The following MYO19 variants were observed in gnomAD, a reference collection of about 807,000 sequenced individuals.
MYO19 encodes the protein myosin XIX, also known as unconventional myosin-XIX.
Under a neutral mutation model 129.2 loss-of-function variants are expected in MYO19, and 132 were observed. That is an observed-to-expected ratio of 1.02 (90% CI 0.89 to 1.18). The LOEUF (loss-of-function observed/expected upper bound fraction) is 1.18, where lower values mean the gene tolerates loss of function less well. MYO19 is among the 50% of genes most tolerant of loss of function. The pLI is 0.00. For missense variants in MYO19, 1,210 were observed against 1,216.7 expected, an observed-to-expected ratio of 0.99 and a Z score of 0.08; for synonymous variants, 531 against 477.2, an observed-to-expected ratio of 1.11 and a Z score of -1.47.
upstream of MYO19, chr17:36,537,276 A>G (rs1182714158): frequency 5.6e-6 from 9 of 1,613,214 alleles, no homozygotes; most frequent in Admixed American, 1.5e-4. Flanking sequence ...TAGATTCCTC[A>G]CTGACTTTGT....
chr17:36,527,716 T>C lies in MYO19; in HGVS notation c.152-17A>G. 1 of 1,601,938 alleles carries C rather than the reference T, an allele frequency of 6.2e-7. No homozygotes were observed. The highest frequency in any genetic ancestry group is 2.2e-5 in the East Asian group (1 of 44,746). ...ACCTCAGGACTGAGGCAGAGATGCCTTTAGCAAACTCGGGCTCAAATATAG... is the reference window on the plus strand; with the variant it reads ...ACCTCAGGACTGAGGCAGAGATGCCCTTAGCAAACTCGGGCTCAAATATAG... On this transcript the variant is annotated splice_polypyrimidine_tract_variant and intron_variant, in intron 4 of 25. Coordinates refer to ENST00000614623, the MANE Select transcript of MYO19 (RefSeq NM_001163735.2).
intron 25 of MYO19, among the ~76,000 whole-genome samples, chr17:36,496,833 C>T (rs529950014): frequency 1.3e-5 from 2 of 152,232 alleles, no homozygotes; most frequent in South Asian, 2.1e-4. Context: ...AGACAGGCTC[C>T]GAGAAAATGT....
chr17:36,538,544 T>A (rs764117676), upstream of MYO19: 16 of 1,613,684 alleles, frequency 9.9e-6, no homozygotes, highest in Non-Finnish European at 8.5e-7. Flanking sequence ...TTGTGGTCAA[T>A]CTCTATATGT....
upstream of MYO19, chr17:36,537,306 G>A: frequency 6.2e-7 from 1 of 1,613,370 alleles, no homozygotes; most frequent in Non-Finnish European, 8.5e-7. Context: ...AGTTCCCATG[G>A]TAGCCACTTT....
At chr17:36,540,416 G>A (rs2074191285) in intron 2 of MYO19, among the ~76,000 whole-genome samples, 1 of 150,522 alleles carries the variant, frequency 6.6e-6, no homozygotes, top group African/African-American at 2.5e-5. Context: ...TGTCTCCCAG[G>A]CTGGAGTGCA....
chr17:36,506,854 AG>A, intron 17 of MYO19, 108 bp downstream of exon 17: 1 of 1,321,014 alleles, frequency 7.6e-7, no homozygotes, highest in Non-Finnish European at 1.0e-6. Context: ...GGATTCTGGG[AG>A]GAGGTTCAGG....
At chr17:36,515,807 A>T in intron 7 of MYO19, 51 bp downstream of exon 7, 1 of 1,567,102 alleles carries the variant, frequency 6.4e-7, no homozygotes. Flanking sequence ...GAAGGTGGAA[A>T]ATCCCAGAGG....
At chr17:36,519,435 T>C (rs1203345745) in intron 6 of MYO19, among the ~76,000 whole-genome samples, 1 of 152,194 alleles carries the variant, frequency 6.6e-6, no homozygotes, top group Admixed American at 6.6e-5. Context: ...TTTGAACTTA[T>C]CCACGAGTAG....
At chr17:36,541,625 G>A (rs1405191115) in intron 2 of MYO19, among the ~76,000 whole-genome samples, 1 of 152,174 alleles carries the variant, frequency 6.6e-6, no homozygotes, top group Non-Finnish European at 1.5e-5. Context: ...AGCAAAATGT[G>A]TTCTGCTGTT....
At chr17:36,541,414 T>C (rs148840607) in intron 2 of MYO19, among the ~76,000 whole-genome samples, 2 of 152,330 alleles carry the variant, frequency 1.3e-5, no homozygotes, top group Non-Finnish European at 2.9e-5. Flanking sequence ...TTAAATATAG[T>C]CTATGAAGCT....
Position 36,496,132 on chromosome 17 carries a change from A to T in MYO19, c.*119T>A. The T allele has an allele frequency of 1.5e-6, 2 of 1,361,412 alleles. No homozygotes were observed. Among genetic ancestry groups the T allele is most frequent in the Non-Finnish European group, 1.0e-6 (1 of 980,812 alleles). 84.3% of individuals were successfully genotyped at this position (1,361,412 alleles called of 1,614,324 possible). A position where few individuals can be genotyped will look rare whatever the true frequency, so the allele number is the denominator to read the frequency against. Reference sequence around the variant, plus strand: ...CTCTGGGTCGAAGGCTGGAGCCGTCACTGTTGTTCATGTGCATTTGGAGCA... The same window carrying T: ...CTCTGGGTCGAAGGCTGGAGCCGTCTCTGTTGTTCATGTGCATTTGGAGCA... On this transcript the variant is annotated 3_prime_UTR_variant, in exon 26 of 26. Coordinates refer to ENST00000614623, the MANE Select transcript of MYO19 (RefSeq NM_001163735.2).
chr17:36,531,963 C>T (rs894842671), intron 3 of MYO19, among the ~76,000 whole-genome samples: 9 of 152,144 alleles, frequency 5.9e-5, no homozygotes, highest in African/African-American at 1.7e-4. Context: ...GAGAGAGCTC[C>T]GCTGTAAAAG....
exon 2 of MYO19, chr17:36,542,108 A>G (rs1335880507): frequency 1.3e-5 from 2 of 152,230 alleles, no homozygotes; most frequent in Admixed American, 6.5e-5. Flanking sequence ...TTCGCCTTTA[A>G]GAATACGTTT....
At chr17:36,512,196 A>AACACACACACACACAC (rs57765074) in intron 11 of MYO19, among the ~76,000 whole-genome samples, 53 of 138,208 alleles carry the variant, frequency 3.8e-4, no homozygotes, top group East Asian at 1.3e-3. Context: ...ACTAAAAATA[A>AACACACACACACACAC]ACACACACAC....
rs2071510748 is a variant in MYO19, at chr17:36,501,286, T to C, written c.2081-51A>G. The stretch of plus-strand genomic sequence containing the variant: ...GTGCATGGTCATCTCTACATGCCTC[T>C]GTGGCCTGAAGAAACTGGCTTTGGC... On this transcript the variant is annotated intron_variant, in intron 21 of 25. Coordinates refer to ENST00000614623, the MANE Select transcript of MYO19 (RefSeq NM_001163735.2). The C allele has an allele frequency of 6.4e-6, 10 of 1,554,196 alleles. No homozygotes were observed. In the South Asian group the frequency reaches 8.5e-5, roughly 13 times the overall value.
intron 19 of MYO19, 120 bp from the exon 20 acceptor site, chr17:36,504,140 G>C (rs2071720250): frequency 6.8e-6 from 5 of 732,674 alleles, no homozygotes; most frequent in South Asian, 6.6e-5. Flanking sequence ...CTCTCCCAAG[G>C]CTTGGCTAAT....
intron 23 of MYO19, 43 bp from the exon 24 acceptor site, chr17:36,499,203 C>T (rs766746203): frequency 2.4e-5 from 36 of 1,476,346 alleles, no homozygotes; most frequent in East Asian, 7.2e-5. Flanking sequence ...AATAAAGGGG[C>T]CATTAGAGCT....
intron 3 of MYO19, among the ~76,000 whole-genome samples, chr17:36,530,151 A>T (rs1440955636): frequency 6.6e-6 from 1 of 152,146 alleles, no homozygotes; most frequent in African/African-American, 2.4e-5. Context: ...CTCTATAAAA[A>T]ATATTTAAAA....
rs879079228 is a variant in MYO19 at position 36,499,664 on chromosome 17, C to CTTTTTTTTTTTTTTTTTTTTTTTT, written c.2378-528_2378-505dup. The stretch of plus-strand genomic sequence containing the variant: ...CAGCATATTCTTTTTCTTTTTGTTT[C>CTTTTTTTTTTTTTTTTTTTTTTTT]TTTTTTTTTTTTTTTTTTTTTTTTT... On this transcript the variant is annotated intron_variant, in intron 23 of 25. Transcript: ENST00000614623. 17 of 62,636 alleles carry CTTTTTTTTTTTTTTTTTTTTTTTT rather than the reference C, an allele frequency of 2.7e-4. 2 individuals are homozygous for CTTTTTTTTTTTTTTTTTTTTTTTT. The highest frequency in any genetic ancestry group is 6.1e-4 in the South Asian group (1 of 1,638). The allele number at this position is 62,636 out of a possible 1,614,324, so 3.9% of individuals were successfully genotyped here. A position where few individuals can be genotyped will look rare whatever the true frequency, so the allele number is the denominator to read the frequency against.
Sources: allele counts gnomAD v4.1 joint callset (sites outside exome capture counted in the v4.1 genomes callset), GRCh38; gene constraint gnomAD v4.1.1; transcripts MANE v1.5; gene names NCBI Gene and HGNC (gene_info 2026-07-23, HGNC 2026-07-21).